The following ST3GAL3 variants were observed in gnomAD, a reference collection of about 807,000 sequenced individuals.
The protein encoded by ST3GAL3 is ST3 beta-galactoside alpha-2,3-sialyltransferase 3.
In ST3GAL3, 21 loss-of-function variants were observed where a neutral mutation model predicts 50.1. The ratio of observed to expected loss-of-function variants is 0.42; its 90% CI spans 0.30 to 0.60. The LOEUF is 0.60. Ranked by LOEUF, ST3GAL3 falls within the 20% of genes least tolerant of loss-of-function variation. ST3GAL3 has a pLI of 0.19. For synonymous variants in ST3GAL3, 183 were observed against 190.0 expected (o/e 0.96, Z 0.30); for missense variants, 353 against 489.4 (o/e 0.72, Z 2.63).
intron 2 of ST3GAL3, among the ~76,000 whole-genome samples, chr1:43,785,181 G>A (rs1192239176): frequency 1.3e-5 from 2 of 152,198 alleles, no homozygotes; most frequent in African/African-American, 2.4e-5. Flanking sequence ...AGGTGGCGAC[G>A]TGAACATTGA....
At chr1:43,716,193 A>G (rs1487639995) in intron 1 of ST3GAL3, among the ~76,000 whole-genome samples, 1 of 152,206 alleles carries the variant, frequency 6.6e-6, no homozygotes, top group Non-Finnish European at 1.5e-5. Context: ...ACCAACCGAA[A>G]TAGATGTTTA....
At chr1:43,913,411 G>A (rs943244750) in intron 9 of ST3GAL3, 3 of 152,210 alleles carry the variant, frequency 2.0e-5, no homozygotes, top group Non-Finnish European at 4.4e-5. Flanking sequence ...CTTAAAGAGA[G>A]GACACAATGT....
chr1:43,797,182 CAGTG>C (rs1322521642), intron 3 of ST3GAL3, among the ~76,000 whole-genome samples: 2 of 152,078 alleles, frequency 1.3e-5, no homozygotes, highest in African/African-American at 4.8e-5. Context: ...GCCTAGGTGA[CAGTG>C]AGACCCTATC....
intron 2 of ST3GAL3, among the ~76,000 whole-genome samples, chr1:43,744,602 A>G (rs989020317): frequency 6.6e-6 from 1 of 151,586 alleles, no homozygotes; most frequent in South Asian, 2.1e-4. Flanking sequence ...GCAGTGAGCC[A>G]AGATTGCACC....
At chr1:43,897,526 A>G (rs2077564529) in intron 6 of ST3GAL3, among the ~76,000 whole-genome samples, 1 of 152,190 alleles carries the variant, frequency 6.6e-6, no homozygotes, top group Non-Finnish European at 1.5e-5. Flanking sequence ...TTGGAAGAGC[A>G]GTCCTTATTG....
chr1:43,906,541 T>TTCC (rs2079767635), intron 9 of ST3GAL3, among the ~76,000 whole-genome samples: 1 of 100,080 alleles, frequency 1.0e-5, no homozygotes, highest in African/African-American at 3.9e-5. Flanking sequence ...CCTGCCACTC[T>TTCC]TCCTCCTGTT....
At chr1:43,740,957 G>A (rs1680666144) in intron 2 of ST3GAL3, among the ~76,000 whole-genome samples, 1 of 151,504 alleles carries the variant, frequency 6.6e-6, no homozygotes, top group Non-Finnish European at 1.5e-5. Flanking sequence ...AGGAAGGAAG[G>A]AAAGAAGGAA....
At chr1:43,757,775 C>T (rs1225156444) in intron 2 of ST3GAL3, among the ~76,000 whole-genome samples, 1 of 151,968 alleles carries the variant, frequency 6.6e-6, no homozygotes, top group African/African-American at 2.4e-5. Flanking sequence ...TAAAAAAAAA[C>T]ATTGAACTTT....
intron 9 of ST3GAL3, chr1:43,912,725 G>A (rs536035775): frequency 6.6e-6 from 1 of 152,370 alleles, no homozygotes; most frequent in South Asian, 2.1e-4. Context: ...CAGGAGCCTG[G>A]TGGGGAAAGT....
chr1:43,779,944 T>C (rs1698813343), intron 2 of ST3GAL3, among the ~76,000 whole-genome samples: 1 of 152,226 alleles, frequency 6.6e-6, no homozygotes. Context: ...AAGAACTCTC[T>C]TTGGGAGCCT....
At chr1:43,739,737 A>G (rs1349341371) in intron 2 of ST3GAL3, among the ~76,000 whole-genome samples, 1 of 152,170 alleles carries the variant, frequency 6.6e-6, no homozygotes, top group Non-Finnish European at 1.5e-5. Context: ...CCTTCCAGAG[A>G]GAAAATTTAT....
intron 1 of ST3GAL3, among the ~76,000 whole-genome samples, chr1:43,720,808 C>A (rs1670036790): frequency 6.6e-6 from 1 of 152,162 alleles, no homozygotes; most frequent in African/African-American, 2.4e-5. Context: ...AGAGTATGTC[C>A]ATACAAAAAT....
chr1:43,890,604 T>C (rs2076563352), intron 5 of ST3GAL3, among the ~76,000 whole-genome samples: 1 of 152,220 alleles, frequency 6.6e-6, no homozygotes, highest in Admixed American at 6.5e-5. Flanking sequence ...CTGAGCATGG[T>C]GGCTCACGCC....
At chr1:43,810,273 AC>A (rs929924238) in intron 3 of ST3GAL3, among the ~76,000 whole-genome samples, 1 of 152,050 alleles carries the variant, frequency 6.6e-6, no homozygotes, top group East Asian at 1.9e-4. Flanking sequence ...TGTCATAAGC[AC>A]CCCCCTCTCA....
chr1:43,841,118 A>T (rs1372290879), intron 5 of ST3GAL3: 1 of 152,298 alleles, frequency 6.6e-6, no homozygotes, highest in Non-Finnish European at 1.5e-5. Context: ...GTGGCTTTGC[A>T]GGGTGCAGCC....
At chr1:43,783,704 CAG>C (rs772970962) in intron 2 of ST3GAL3, among the ~76,000 whole-genome samples, 7 of 152,098 alleles carry the variant, frequency 4.6e-5, no homozygotes, top group East Asian at 1.9e-4. Flanking sequence ...GTCGTACACA[CAG>C]GGGTTTGTAA....
intron 2 of ST3GAL3, among the ~76,000 whole-genome samples, chr1:43,766,285 G>T (rs1348723930): frequency 6.6e-6 from 1 of 152,130 alleles, no homozygotes; most frequent in Non-Finnish European, 1.5e-5. Flanking sequence ...GCAGTGTGGG[G>T]CATTTAGGAA....
rs533842293 is a variant in ST3GAL3, at chr1:43,743,022, G to A, written c.118+6642G>A. 5.3e-5 allele frequency among the ~76,000 whole-genome samples: 8 copies of A among 151,512 alleles called. No individual in the cohort carries two copies. In the South Asian group the frequency reaches 6.3e-4, roughly 12 times the overall value. On this transcript the variant is annotated intron_variant, in intron 2 of 11. Coordinates refer to ENST00000347631, the MANE Select transcript of ST3GAL3 (RefSeq NM_006279.5). The stretch of plus-strand genomic sequence containing the variant: ...CTGAGGCAGGAGAATTGCTTGAGGC[G>A]GAGCTTGCAGTGAGCCGAGATCGCG...
At chr1:43,781,062 C>A (rs1322530560) in intron 2 of ST3GAL3, among the ~76,000 whole-genome samples, 1 of 152,162 alleles carries the variant, frequency 6.6e-6, no homozygotes, top group Non-Finnish European at 1.5e-5. Flanking sequence ...ACGTTCAGTT[C>A]AACTTTTCCC....
Sources: gnomAD v4.1 joint callset for allele counts (sites outside exome capture counted in the v4.1 genomes callset) on GRCh38, gnomAD v4.1.1 for gene constraint, MANE v1.5 for transcripts, NCBI Gene and HGNC (gene_info 2026-07-23, HGNC 2026-07-21) for gene names.